SDK1: variants seen among roughly 807,000 people sequenced by gnomAD.
SDK1 encodes protein sidekick-1.
Under a neutral mutation model 245.5 loss-of-function variants are expected in SDK1, and 157 were observed. That is an observed-to-expected ratio of 0.64 (90% confidence interval 0.56 to 0.73). The LOEUF is 0.73. Among genes scored for constraint, SDK1 ranks in the 30% least tolerant of loss-of-function variants. The pLI, the probability that SDK1 is intolerant of heterozygous loss-of-function variation, is 0.00. For missense variants in SDK1, 3,583 were observed against 3,002.3 expected (o/e 1.19, Z -4.52); for synonymous variants, 1,647 against 1,278.5 (o/e 1.29, Z -6.15).
intron 2 of SDK1, among the ~76,000 whole-genome samples, chr7:3,630,835 C>G (rs1238137751): frequency 1.3e-5 from 2 of 151,816 alleles, no homozygotes; most frequent in South Asian, 2.1e-4. Context: ...TTTTTCCAAA[C>G]TTATCCCTTG....
intron 1 of SDK1, among the ~76,000 whole-genome samples, chr7:3,507,079 G>C (rs572796700): frequency 6.6e-6 from 1 of 152,212 alleles, no homozygotes; most frequent in East Asian, 1.9e-4. Flanking sequence ...ATTATCATAT[G>C]GTTTGTTTAG....
intron 1 of SDK1, among the ~76,000 whole-genome samples, chr7:3,363,084 C>T (rs6946541): frequency 0.24 from 35,860 of 152,078 alleles, 4,667 homozygotes; most frequent in East Asian, 0.38. Context: ...AGAACGTTTC[C>T]ATCACCACAA....
chr7:3,563,750 T>C (rs1314065602), intron 1 of SDK1, among the ~76,000 whole-genome samples: 1 of 152,202 alleles, frequency 6.6e-6, no homozygotes, highest in East Asian at 1.9e-4. Flanking sequence ...CAATGTGTAT[T>C]TTTTAAGCTC....
At chr7:4,063,665 A>T (rs1779689740) in intron 19 of SDK1, among the ~76,000 whole-genome samples, 2 of 152,078 alleles carry the variant, frequency 1.3e-5, no homozygotes, top group African/African-American at 4.8e-5. Context: ...AGCCAAAGCA[A>T]TCCATAGCAA....
At chr7:3,839,020 C>T (rs1780093374) in intron 5 of SDK1, among the ~76,000 whole-genome samples, 1 of 152,122 alleles carries the variant, frequency 6.6e-6, no homozygotes, top group Admixed American at 6.5e-5. Flanking sequence ...GAGCAGGGAT[C>T]TTCACGTCAG....
At chr7:3,492,848 G>T (rs181173312) in intron 1 of SDK1, among the ~76,000 whole-genome samples, 1 of 152,338 alleles carries the variant, frequency 6.6e-6, no homozygotes, top group Admixed American at 6.5e-5. Context: ...GTTGACTAAT[G>T]ACTAAAATTT....
In SDK1 at chr7:4,146,725, A is replaced by G. The variant is rs188304922; in HGVS notation, c.4423+809A>G. On this transcript the variant is annotated intron_variant, in intron 29 of 44. Coordinates refer to ENST00000404826, the MANE Select transcript of SDK1 (RefSeq NM_152744.4). ...AGTTTTCCAAATAACTGCCTTCCCA[A>G]TGAGAACTGCCGGGCGAGCAGGGCT... Among the ~76,000 whole-genome samples, 71 of 152,314 alleles carry G rather than the reference A, an allele frequency of 4.7e-4. 2 individuals carry two copies. Among genetic ancestry groups the G allele is most frequent in the Admixed American group, 2.7e-3 (41 of 15,306 alleles).
At chr7:3,336,504 C>T (rs1248237551) in intron 1 of SDK1, among the ~76,000 whole-genome samples, 1 of 152,188 alleles carries the variant, frequency 6.6e-6, no homozygotes, top group Admixed American at 6.5e-5. Flanking sequence ...TACACTTGAC[C>T]TCTTCCATCC....
chr7:3,469,257 T>A (rs189630676), intron 1 of SDK1, among the ~76,000 whole-genome samples: 1 of 152,162 alleles, frequency 6.6e-6, no homozygotes, highest in East Asian at 1.9e-4. Flanking sequence ...GCCCTTTCTC[T>A]ACAAAAAATA....
At position 4,201,906 on chromosome 7, in the gene SDK1, C is replaced by T. The variant is rs566714957; in HGVS notation, c.5099-3973C>T. On this transcript the variant is annotated intron_variant, in intron 35 of 44. Coordinates refer to ENST00000404826, the MANE Select transcript of SDK1 (RefSeq NM_152744.4). ...TTCTGGCAAGAGTGGACACCTGGCA[C>T]GGCACAGAGTGGCTCTAGCAGTAGG... Among the ~76,000 whole-genome samples, 39 of 152,252 alleles carry T rather than the reference C, an allele frequency of 2.6e-4. 1 individual carries two copies. Among genetic ancestry groups the T allele is most frequent in the East Asian group, 7.7e-4 (4 of 5,182 alleles).
chr7:3,797,321 T>C (rs1032092012), intron 4 of SDK1, among the ~76,000 whole-genome samples: 3 of 151,678 alleles, frequency 2.0e-5, no homozygotes, highest in Admixed American at 6.6e-5. Flanking sequence ...TTTCCTGTTT[T>C]CCCTTTTCGC....
chr7:3,566,720 C>CAAAAAAAAAAAAAAA (rs908670320), intron 1 of SDK1, among the ~76,000 whole-genome samples: 1 of 72,598 alleles, frequency 1.4e-5, no homozygotes, highest in Non-Finnish European at 3.0e-5. Context: ...AAACTACTGC[C>CAAAAAAAAAAAAAAA]AAAAAAAAAA....
chr7:3,928,951 C>T (rs1779875876), intron 5 of SDK1, among the ~76,000 whole-genome samples: 1 of 152,206 alleles, frequency 6.6e-6, no homozygotes, highest in South Asian at 2.1e-4. Context: ...CAGCCCTGGG[C>T]TTATTTTAAG....
chr7:3,706,311 C>T (rs1427265264), intron 4 of SDK1, among the ~76,000 whole-genome samples: 4 of 152,288 alleles, frequency 2.6e-5, no homozygotes, highest in Middle Eastern at 3.4e-3. Flanking sequence ...CCCTCTTTCT[C>T]AGTCTTTTGG....
chr7:4,153,183 G>A (rs1014924699), intron 30 of SDK1, among the ~76,000 whole-genome samples: 3 of 152,024 alleles, frequency 2.0e-5, no homozygotes, highest in Non-Finnish European at 4.4e-5. Flanking sequence ...ATGGAAAACA[G>A]CAGGGATTCA....
At chr7:3,309,230 A>G (rs1199083318) in intron 1 of SDK1, among the ~76,000 whole-genome samples, 7 of 152,108 alleles carry the variant, frequency 4.6e-5, no homozygotes, top group African/African-American at 1.7e-4. Context: ...CGCGATGCAA[A>G]AAGAATGAAA....
chr7:3,961,030 C>T (rs1024213487), intron 8 of SDK1, among the ~76,000 whole-genome samples: 1 of 152,238 alleles, frequency 6.6e-6, no homozygotes, highest in Non-Finnish European at 1.5e-5. Flanking sequence ...CAATCTTAAA[C>T]TCCCTTTGAC....
At chr7:3,778,785 A>T (rs1780638759) in intron 4 of SDK1, among the ~76,000 whole-genome samples, 1 of 152,222 alleles carries the variant, frequency 6.6e-6, no homozygotes. Flanking sequence ...ATGTAAACTG[A>T]ATAAGGTTGA....
At chr7:3,334,080 T>G (rs1027907323) in intron 1 of SDK1, among the ~76,000 whole-genome samples, 6 of 152,226 alleles carry the variant, frequency 3.9e-5, no homozygotes, top group African/African-American at 1.4e-4. Flanking sequence ...ATTTGTGTTT[T>G]GCATGGTTCA....
Sources: allele counts gnomAD v4.1 joint callset (sites outside exome capture counted in the v4.1 genomes callset), GRCh38; gene constraint gnomAD v4.1.1; transcripts MANE v1.5; gene names NCBI Gene and HGNC (gene_info 2026-07-23, HGNC 2026-07-21).